The following OSBPL3 variants were observed in gnomAD, a reference collection of about 807,000 sequenced individuals.
OSBPL3 encodes oxysterol-binding protein-related protein 3.
In OSBPL3, 65 loss-of-function variants were observed where a neutral mutation model predicts 120.1. The observed-to-expected ratio is 0.54, with a 90% CI of 0.44 to 0.67. OSBPL3 has a LOEUF of 0.67. OSBPL3 is among the 30% of genes least tolerant of loss of function. The pLI is 0.00. For synonymous variants in OSBPL3, 416 were observed against 402.6 expected, an observed-to-expected ratio of 1.03 and a Z score of -0.40; for missense variants, 1,004 against 1,082.1, an observed-to-expected ratio of 0.93 and a Z score of 1.01.
chr7:24,936,971 A>G lies in OSBPL3; in HGVS notation c.-150+42915T>C, dbSNP rs902628925. 1.3e-5 allele frequency among the ~76,000 whole-genome samples: 2 copies of G among 152,184 alleles called. No individual in the cohort carries two copies. The highest frequency in any genetic ancestry group is 2.9e-5 in the Non-Finnish European group (2 of 68,034). On this transcript the variant is annotated intron_variant, in intron 1 of 22. Transcript: ENST00000313367. This position sits in a 1 kb window ranked among gnomAD's most constrained non-coding sequence, Gnocchi z 4.2. ...GCAACAGCAGTTGTCATAGAAAAGG[A>G]TACTGTATTAGTCCATTCTTGTGCT...
intron 12 of OSBPL3, among the ~76,000 whole-genome samples, chr7:24,843,941 T>G (rs571767467): frequency 6.6e-6 from 1 of 152,358 alleles, no homozygotes; most frequent in East Asian, 1.9e-4. Context: ...CATCATTTAT[T>G]TACTTGTTCT....
In OSBPL3 at chr7:24,912,939, A is replaced by G. The variant is rs1294975775; in HGVS notation, c.-149-20318T>C. On this transcript the variant is annotated intron_variant, in intron 1 of 22. Transcript: ENST00000313367. The surrounding 1 kb of genome is among the most constrained non-coding windows in gnomAD (Gnocchi z 4.5). ...GTTGTCTCAGGGTGCTTGCCCTTCA[A>G]CTCAGCCACCACGATGTGAGTAAGC... Among the ~76,000 whole-genome samples the G allele has an allele frequency of 1.3e-5, 2 of 152,182 alleles. No individual in the cohort carries two copies. Among genetic ancestry groups the G allele is most frequent in the Non-Finnish European group, 2.9e-5 (2 of 68,032 alleles).
rs1813917097 is a variant in OSBPL3 at position 24,947,865 on chromosome 7, T to C, written c.-150+32021A>G. Among the ~76,000 whole-genome samples, 2 of 152,210 alleles carry C rather than the reference T, an allele frequency of 1.3e-5. No individual in the cohort carries two copies. The highest frequency in any genetic ancestry group is 4.8e-5 in the African/African-American group (2 of 41,506). On this transcript the variant is annotated intron_variant, in intron 1 of 22. Coordinates refer to ENST00000313367, the MANE Select transcript of OSBPL3 (RefSeq NM_015550.4). The surrounding 1 kb of genome is among the most constrained non-coding windows in gnomAD (Gnocchi z 4.4). ...GTGATCGGTGTTGGTAATTTGACAC[T>C]GTACAGGGGAACAATATAATGTCCC...
intron 1 of OSBPL3, among the ~76,000 whole-genome samples, chr7:24,956,683 T>C (rs908069642): frequency 4.6e-5 from 7 of 152,252 alleles, no homozygotes; most frequent in African/African-American, 1.7e-4. Flanking sequence ...CAGGCCTTTT[T>C]CTGCATTTTG....
intron 1 of OSBPL3, among the ~76,000 whole-genome samples, chr7:24,978,897 G>C (rs1222740993): frequency 6.6e-6 from 1 of 152,214 alleles, no homozygotes; most frequent in African/African-American, 2.4e-5. Context: ...AGAAGGACAA[G>C]CACAAGTGTG....
chr7:24,916,161 A>G lies in OSBPL3; in HGVS notation c.-149-23540T>C, dbSNP rs1289811921. Among the ~76,000 whole-genome samples the G allele has an allele frequency of 6.6e-6, 1 of 152,228 alleles. No homozygotes were observed. The highest frequency in any genetic ancestry group is 2.4e-5 in the African/African-American group (1 of 41,450). The stretch of plus-strand genomic sequence containing the variant: ...ACCTCTCTTCTGAACCTAAGAGAAC[A>G]AATACTCTTATGCTACAGAATTACT... On this transcript the variant is annotated intron_variant, in intron 1 of 22. Transcript: ENST00000313367. This position sits in a 1 kb window ranked among gnomAD's most constrained non-coding sequence, Gnocchi z 4.9.
rs1045767080 is a variant in OSBPL3, at chr7:24,959,821, C to T, written c.-150+20065G>A. ...CGGCCACTTGTAAAACCCAGCTGAC[C>T]TGGACTGGTTTGACCAAAGAGCCTA... On this transcript the variant is annotated intron_variant, in intron 1 of 22. Transcript: ENST00000313367. This position sits in a 1 kb window ranked among gnomAD's most constrained non-coding sequence, Gnocchi z 4.3. 1.3e-5 allele frequency among the ~76,000 whole-genome samples: 2 copies of T among 152,106 alleles called. No homozygotes were observed. The highest frequency in any genetic ancestry group is 4.8e-5 in the African/African-American group (2 of 41,414).
At position 24,858,889 on chromosome 7, in the gene OSBPL3, C is replaced by G. The variant is rs17150329; in HGVS notation, c.1027+2724G>C. Among the ~76,000 whole-genome samples, 247 of 152,260 alleles carry G rather than the reference C, an allele frequency of 1.6e-3. 6 individuals are homozygous for G. The East Asian group carries it at 0.043, about 26-fold the overall frequency. ...TTTCCTCTGTGTAGGGAGGCATTAT[C>G]TTCTCATTGTTTAAAAGTTTGTATT... is the stretch of plus-strand genomic sequence containing the variant. On this transcript the variant is annotated intron_variant, in intron 10 of 22. Transcript: ENST00000313367.
intron 1 of OSBPL3, among the ~76,000 whole-genome samples, chr7:24,943,312 C>CACAG (rs1166400785): frequency 6.6e-6 from 1 of 152,170 alleles, no homozygotes; most frequent in Non-Finnish European, 1.5e-5. Context: ...CAAATCATGA[C>CACAG]ACAGTGAATG....
intron 1 of OSBPL3, among the ~76,000 whole-genome samples, chr7:24,926,038 C>T (rs897915430): frequency 3.3e-5 from 5 of 152,210 alleles, no homozygotes; most frequent in African/African-American, 7.2e-5. Flanking sequence ...AAGAGGCAGA[C>T]GCTACTATCA....
At position 24,891,707 on chromosome 7, in the gene OSBPL3, C is replaced by T. The variant is rs1805379576; in HGVS notation, c.96+670G>A. Among the ~76,000 whole-genome samples, 1 of 152,174 alleles carries T rather than the reference C, an allele frequency of 6.6e-6. No homozygotes were observed. The highest frequency in any genetic ancestry group is 1.5e-5 in the Non-Finnish European group (1 of 68,030). ...CAACAAAGATTTATTAGAAAGGAAA[C>T]CAAGAAACAATATATAATTACTCAA... On this transcript the variant is annotated intron_variant, in intron 2 of 22. Coordinates refer to ENST00000313367, the MANE Select transcript of OSBPL3 (RefSeq NM_015550.4). This position sits in a 1 kb window ranked among gnomAD's most constrained non-coding sequence, Gnocchi z 4.1.
rs962242674 is a variant in OSBPL3, at chr7:24,972,216, T to C, written c.-150+7670A>G. ...CTGTGTGTCGCATCAGAGAGAGAAA[T>C]TCAAAACCTCAAATCAAAAGAGGAG... On this transcript the variant is annotated intron_variant, in intron 1 of 22. Transcript: ENST00000313367. The surrounding 1 kb of genome is among the most constrained non-coding windows in gnomAD (Gnocchi z 4.3). 3.3e-5 allele frequency among the ~76,000 whole-genome samples: 5 copies of C among 152,088 alleles called. No homozygotes were observed. The highest frequency in any genetic ancestry group is 1.2e-4 in the African/African-American group (5 of 41,408).
At chr7:24,892,776 T>C (rs1228265228) in intron 1 of OSBPL3, among the ~76,000 whole-genome samples, 155 bp from the exon 2 acceptor site, 2 of 152,218 alleles carry the variant, frequency 1.3e-5, no homozygotes, top group African/African-American at 4.8e-5. Flanking sequence ...CTTTACACCA[T>C]TCTCTTACAG....
At position 24,840,811 on chromosome 7, in the gene OSBPL3, TAG is replaced by T. The variant is rs769839917; in HGVS notation, c.1402-30_1402-29del. On this transcript the variant is annotated intron_variant, in intron 13 of 22. Transcript: ENST00000313367. ...ATGGGAAAGAAGAAATAACATTCAT[TAG>T]AGTTAGAATAAACAAGAGCCAGATT... 7 of 1,048,222 alleles carry T rather than the reference TAG, an allele frequency of 6.7e-6. No individual in the cohort carries two copies. The Admixed American group carries it at 1.1e-4, about 17-fold the overall frequency. The allele number at this position is 1,048,222 out of a possible 1,614,324, so 64.9% of individuals were successfully genotyped here. A position where few individuals can be genotyped will look rare whatever the true frequency, so the allele number is the denominator to read the frequency against.
chr7:24,846,151 G>A (rs1309218150), intron 12 of OSBPL3, among the ~76,000 whole-genome samples: 2 of 152,050 alleles, frequency 1.3e-5, no homozygotes, highest in Admixed American at 6.5e-5. Flanking sequence ...GAGTTATTCT[G>A]TCCCATTCTT....
At chr7:24,848,997 G>C in intron 12 of OSBPL3, 72 bp downstream of exon 12, 2 of 1,050,750 alleles carry the variant, frequency 1.9e-6, no homozygotes, top group Non-Finnish European at 2.9e-6. Context: ...GGGAGGTCGT[G>C]CAATGGGACA....
At chr7:24,838,224 G>A (rs1409947325) in intron 14 of OSBPL3, among the ~76,000 whole-genome samples, 1 of 152,182 alleles carries the variant, frequency 6.6e-6, no homozygotes, top group Non-Finnish European at 1.5e-5. Context: ...GACCAGGCAA[G>A]GTGGCTCATG....
chr7:24,884,290 T>C (rs909457538), intron 2 of OSBPL3, among the ~76,000 whole-genome samples: 12 of 152,182 alleles, frequency 7.9e-5, no homozygotes, highest in Admixed American at 6.5e-4. Context: ...CTCCAAACAG[T>C]TGGTTGCCGG....
At position 24,952,915 on chromosome 7, in the gene OSBPL3, C is replaced by T. The variant is rs780674480; in HGVS notation, c.-150+26971G>A. 3.2e-4 allele frequency among the ~76,000 whole-genome samples: 49 copies of T among 152,276 alleles called. No individual in the cohort carries two copies. In the Middle Eastern group the frequency reaches 0.014, roughly 42 times the overall value. On this transcript the variant is annotated intron_variant, in intron 1 of 22. Transcript: ENST00000313367. The surrounding 1 kb of genome is among the most constrained non-coding windows in gnomAD (Gnocchi z 4.4). ...CTTTAGGGGGCAGAGGTGGTAGGAT[C>T]CCTGGAGCCCAGGAGTTCAAGACCA...
Sources: allele counts gnomAD v4.1 joint callset (sites outside exome capture counted in the v4.1 genomes callset), GRCh38; gene constraint gnomAD v4.1.1; non-coding constraint Gnocchi (gnomAD v3.1); transcripts MANE v1.5; gene names NCBI Gene and HGNC (gene_info 2026-07-23, HGNC 2026-07-21).